Variants in WSCD2 observed in about 807,000 individuals in gnomAD.
The protein encoded by WSCD2 is WSC domain sialate O sulfotransferase 2.
In WSCD2, 28 loss-of-function variants were observed where a neutral mutation model predicts 55.7. That is an observed-to-expected ratio of 0.50 (90% CI 0.37 to 0.69). WSCD2 has a LOEUF of 0.69. Among genes scored for constraint, WSCD2 ranks in the 30% least tolerant of loss-of-function variants. The pLI is 0.00. For missense variants in WSCD2, 616 were observed against 762.1 expected (o/e 0.81, Z 2.26); for synonymous variants, 301 against 301.9 (o/e 1.00, Z 0.03).
chr12:108,159,461 A>G (rs544105236), intron 1 of WSCD2, among the ~76,000 whole-genome samples: 1 of 152,368 alleles, frequency 6.6e-6, no homozygotes, highest in East Asian at 1.9e-4. Context: ...GGGGCTCCAC[A>G]GTACTACAGT....
At chr12:108,202,312 C>T (rs953392273) in intron 2 of WSCD2, among the ~76,000 whole-genome samples, 2 of 152,130 alleles carry the variant, frequency 1.3e-5, no homozygotes, top group African/African-American at 4.8e-5. Flanking sequence ...TTAATCAGGC[C>T]GTGATGCATA....
chr12:108,239,978 C>T (rs1675175976), intron 7 of WSCD2, among the ~76,000 whole-genome samples: 1 of 152,160 alleles, frequency 6.6e-6, no homozygotes, highest in Admixed American at 6.5e-5. Flanking sequence ...ACCTTGGCCT[C>T]CCAAAGTGCT....
intron 1 of WSCD2, among the ~76,000 whole-genome samples, chr12:108,187,167 C>A (rs960133845): frequency 7.9e-5 from 12 of 152,172 alleles, no homozygotes; most frequent in African/African-American, 2.7e-4. Context: ...CTATTATCCA[C>A]CGGCAGTGCC....
intron 1 of WSCD2, among the ~76,000 whole-genome samples, chr12:108,136,334 G>GTCCCTTCCCCTCTTTGGGCCTCAGTT (rs60951316): frequency 0.74 from 112,067 of 151,766 alleles, 41,697 homozygotes; most frequent in East Asian, 0.91. Flanking sequence ...CCTTTAGCAA[G>GTCCCTTCCCCTCTTTGGGCCTCAGTT]TCCCATCTAT....
In WSCD2 at chr12:108,191,768, G is replaced by A. The variant is rs113073721; in HGVS notation, c.-551-3514G>A. 4.2e-3 allele frequency among the ~76,000 whole-genome samples: 636 copies of A among 152,218 alleles called. 6 individuals are homozygous for A. Among genetic ancestry groups the A allele is most frequent in the African/African-American group, 0.015 (610 of 41,546 alleles). On this transcript the variant is annotated intron_variant, in intron 1 of 8. Transcript: ENST00000547525. The stretch of plus-strand genomic sequence containing the variant: ...CGAGCCCCTGCCTCCTCCTAGCACC[G>A]GCAGGATGCTGTGGGATGGCTCAGG...
rs758787577 is a variant in WSCD2, at chr12:108,232,712, C to T, written c.980-19C>T. ...TCTGCCCCTGGTGTTGACCTCTGTC[C>T]ATGCTCCGCCCTTTTCAGACAACCG... On this transcript the variant is annotated intron_variant, in intron 6 of 8. Coordinates refer to ENST00000547525, the MANE Select transcript of WSCD2 (RefSeq NM_014653.4). 4 of 1,598,450 alleles carry T rather than the reference C, an allele frequency of 2.5e-6. No homozygotes were observed. The highest frequency in any genetic ancestry group is 1.7e-5 in the Admixed American group (1 of 59,254).
chr12:108,196,798 T>A (rs924247813), intron 2 of WSCD2: 3 of 152,472 alleles, frequency 2.0e-5, no homozygotes, highest in African/African-American at 7.2e-5. Context: ...TCATTGCATT[T>A]TCTCAGCCAT....
chr12:108,150,188 G>A (rs142429201), intron 1 of WSCD2, among the ~76,000 whole-genome samples: 10 of 152,204 alleles, frequency 6.6e-5, no homozygotes, highest in Admixed American at 2.0e-4. Context: ...GGGGGTTTGC[G>A]CTACGTCATG....
intron 1 of WSCD2, among the ~76,000 whole-genome samples, chr12:108,155,536 C>T (rs926352216): frequency 6.6e-6 from 1 of 152,166 alleles, no homozygotes; most frequent in African/African-American, 2.4e-5. Context: ...AAAGGCCTTG[C>T]TTATGACTGG....
intron 1 of WSCD2, among the ~76,000 whole-genome samples, chr12:108,175,476 G>T (rs895451695): frequency 6.6e-6 from 1 of 152,236 alleles, no homozygotes; most frequent in Non-Finnish European, 1.5e-5. Flanking sequence ...GATCCAGGCC[G>T]CTGAGGCAAA....
At chr12:108,169,599 C>G (rs570734493) in intron 1 of WSCD2, among the ~76,000 whole-genome samples, 5 of 152,298 alleles carry the variant, frequency 3.3e-5, no homozygotes, top group African/African-American at 1.2e-4. Flanking sequence ...GCTTCCCGCC[C>G]ACCCAGAGCC....
At chr12:108,165,403 G>A (rs959003591) in intron 1 of WSCD2, among the ~76,000 whole-genome samples, 1 of 151,906 alleles carries the variant, frequency 6.6e-6, no homozygotes, top group Non-Finnish European at 1.5e-5. Context: ...TGTTGTTGGT[G>A]TTTTTTTTGG....
At chr12:108,130,431 G>A (rs1875368863) in intron 1 of WSCD2, among the ~76,000 whole-genome samples, 2 of 151,938 alleles carry the variant, frequency 1.3e-5, no homozygotes, top group Admixed American at 6.6e-5. Flanking sequence ...CAGGCAATGG[G>A]CTTTGTGTAG....
At chr12:108,181,291 C>T (rs941956975) in intron 1 of WSCD2, among the ~76,000 whole-genome samples, 5 of 152,094 alleles carry the variant, frequency 3.3e-5, no homozygotes, top group Non-Finnish European at 7.4e-5. Context: ...TGGGCGGCTG[C>T]GTGTTTGTGT....
At chr12:108,211,820 A>ATT (rs59190207) in intron 4 of WSCD2, among the ~76,000 whole-genome samples, 8,272 of 134,534 alleles carry the variant, frequency 0.061, 323 homozygotes, top group Middle Eastern at 0.09. Context: ...TGCCTGGCTA[A>ATT]TTTTTTTTTT....
chr12:108,195,044 A>C (rs903671754), intron 1 of WSCD2, among the ~76,000 whole-genome samples: 1 of 151,946 alleles, frequency 6.6e-6, no homozygotes, highest in Non-Finnish European at 1.5e-5. Context: ...TTTGTCCCCA[A>C]CTAGGGCCCA....
At chr12:108,135,231 C>T (rs553267369) in intron 1 of WSCD2, among the ~76,000 whole-genome samples, 10 of 152,310 alleles carry the variant, frequency 6.6e-5, no homozygotes, top group African/African-American at 2.4e-4. Context: ...AGTGTTTGCT[C>T]AGAATCTTCT....
intron 1 of WSCD2, among the ~76,000 whole-genome samples, chr12:108,192,180 G>C (rs1476900216): frequency 6.6e-6 from 1 of 152,218 alleles, no homozygotes; most frequent in African/African-American, 2.4e-5. Context: ...AGGGGCGGAG[G>C]TGGGGCTTAT....
At chr12:108,161,421 T>G (rs1169706237) in intron 1 of WSCD2, among the ~76,000 whole-genome samples, 1 of 152,140 alleles carries the variant, frequency 6.6e-6, no homozygotes, top group Non-Finnish European at 1.5e-5. Context: ...AGGGAAAATT[T>G]GGACACAGAC....
Sources: gnomAD v4.1 joint callset for allele counts (sites outside exome capture counted in the v4.1 genomes callset) on GRCh38, gnomAD v4.1.1 for gene constraint, MANE v1.5 for transcripts, NCBI Gene and HGNC (gene_info 2026-07-23, HGNC 2026-07-21) for gene names.